STAT6: variants seen among roughly 807,000 people sequenced by gnomAD.
STAT6 encodes signal transducer and activator of transcription 6.
In STAT6, 45 loss-of-function variants were observed where a neutral mutation model predicts 106.3. The observed-to-expected ratio is 0.42, with a 90% CI of 0.33 to 0.54. STAT6 has a LOEUF of 0.54. Among genes scored for constraint, STAT6 ranks in the 20% least tolerant of loss-of-function variants. STAT6 has a pLI of 0.06. For missense variants in STAT6, 797 were observed against 1,062.2 expected, an observed-to-expected ratio of 0.75 and a Z score of 3.47; for synonymous variants, 413 against 413.6, an observed-to-expected ratio of 1.00 and a Z score of 0.02.
rs767593383 is a variant in STAT6 at position 57,106,250 on chromosome 12, C to T, written c.621G>A (p.Gln207=). 4 of 1,614,130 alleles carry T rather than the reference C, an allele frequency of 2.5e-6. No homozygotes were observed. The highest frequency in any genetic ancestry group is 2.5e-6 in the Non-Finnish European group (3 of 1,180,058). The change falls in exon 7 of 22, where the codon CAG becomes CAA. Residue 207 remains glutamine, a synonymous_variant. Coordinates refer to ENST00000300134, the MANE Select transcript of STAT6 (RefSeq NM_003153.5). The part of the protein sequence containing the change: ...VLKRIQIWKR[Q]QQLAGNGAPF... ...GTGCGCCATTCCCTGCCAGCTGCTG[C>T]TGCCGTTTCCAAATCTGGATCCTCT...
In STAT6 at chr12:57,107,474, T is replaced by G; in HGVS notation, c.255+131A>C. ...GCATGCTTTTAAAATCTAATTTGCCTGCTAGCTAGCAGTTAACCACAGGAA... is the reference window on the plus strand; with the variant it reads ...GCATGCTTTTAAAATCTAATTTGCCGGCTAGCTAGCAGTTAACCACAGGAA... On this transcript the variant is annotated intron_variant, in intron 3 of 21. Transcript: ENST00000300134. The G allele has an allele frequency of 2.2e-6, 3 of 1,359,268 alleles. No homozygotes were observed. In the Admixed American group the frequency reaches 6.2e-5, roughly 28 times the overall value. 84.2% of individuals were successfully genotyped at this position (1,359,268 alleles called of 1,614,324 possible).
chr12:57,097,873 G>T (rs778725644), intron 19 of STAT6, among the ~76,000 whole-genome samples: 26 of 151,418 alleles, frequency 1.7e-4, no homozygotes, highest in Middle Eastern at 3.2e-3. Context: ...GCACTCCAGT[G>T]AGTGAGACCC....
chr12:57,099,395 A>C lies in STAT6; in HGVS notation c.1790T>G (p.Leu597Arg), dbSNP rs1365580862. 6.2e-7 allele frequency: 1 copy of C among 1,614,200 alleles called. No homozygotes were observed. The highest frequency in any genetic ancestry group is 8.5e-7 in the Non-Finnish European group (1 of 1,180,034). The change falls in exon 16 of 22, where the codon CTG becomes CGG. Residue 597 changes from leucine to arginine, a missense_variant. Around this residue, in one of 4 missense-constraint regions of STAT6, gnomAD observed 222 missense variants for 354.6 expected, o/e 0.63. Transcript: ENST00000300134. This position sits in a 1 kb window ranked among gnomAD's most constrained non-coding sequence, Gnocchi z 4.7. ...ENIQPFSAKD[L>R]SIRSLGDRIR... ...TCGGTCCCCCAGTGAGCGAATGGACAGGTCTTTGGCAGAGAATGGCTGGAT... is the reference window on the plus strand; with the variant it reads ...TCGGTCCCCCAGTGAGCGAATGGACCGGTCTTTGGCAGAGAATGGCTGGAT...
Position 57,106,100 on chromosome 12 carries a change from C to T in STAT6, c.680+91G>A. On this transcript the variant is annotated intron_variant, in intron 7 of 21. Transcript: ENST00000300134. ...CTTGGTCCACTCCAAGGCCCTCCCG[C>T]CTGGCTTCTTTCTCTCACCTGTAGG... 1.9e-6 allele frequency: 3 copies of T among 1,575,646 alleles called. No homozygotes were observed. The Middle Eastern group carries it at 7.0e-4, about 368-fold the overall frequency.
rs2033418549 is a variant in STAT6 at position 57,096,281 on chromosome 12, G to A, written c.*291C>T. ...CAGAGAGCTCTGTATGTGTGTGTGC[G>A]TGCGTGTGCGCGCTGCAGGTGCAGG... On this transcript the variant is annotated 3_prime_UTR_variant, in exon 22 of 22. Coordinates refer to ENST00000300134, the MANE Select transcript of STAT6 (RefSeq NM_003153.5). 7.5e-6 allele frequency: 3 copies of A among 400,966 alleles called. No homozygotes were observed. Among genetic ancestry groups the A allele is most frequent in the African/African-American group, 2.1e-5 (1 of 48,078 alleles). The allele number at this position is 400,966 out of a possible 1,614,324, so 24.8% of individuals were successfully genotyped here.
chr12:57,101,316 T>C (rs1433836933), intron 13 of STAT6, among the ~76,000 whole-genome samples: 1 of 151,822 alleles, frequency 6.6e-6, no homozygotes, highest in East Asian at 1.9e-4. Flanking sequence ...CTCGATCTCT[T>C]GACCTTGTGA....
intron 4 of STAT6, 122 bp from the exon 5 acceptor site, chr12:57,106,953 C>T (rs2034319800): frequency 1.0e-5 from 15 of 1,474,410 alleles, no homozygotes; most frequent in Non-Finnish European, 1.4e-5. Flanking sequence ...GCAGTTCTTC[C>T]TGACCTTTTG....
At chr12:57,102,705 C>A in intron 12 of STAT6, 124 bp downstream of exon 12, 1 of 943,888 alleles carries the variant, frequency 1.1e-6, no homozygotes, top group East Asian at 2.5e-5. Flanking sequence ...AAAGCAGGCC[C>A]ATGAGAAAGT....
chr12:57,102,987 TTTTTTTTTTTTTTTTTTTTTTTTTTTTA>T (rs2034043693), intron 11 of STAT6, 66 bp from the exon 12 acceptor site: 2 of 138,352 alleles, frequency 1.4e-5, no homozygotes, highest in Admixed American at 2.3e-4. Flanking sequence ...TTTTTTTTTT[TTTTTTTTTTTTTTTTTTTTTTTTTTTTA>T]GATAGTATCT....
chr12:57,101,610 C>T (rs1000560421), intron 13 of STAT6, among the ~76,000 whole-genome samples: 4 of 151,068 alleles, frequency 2.6e-5, no homozygotes, highest in Non-Finnish European at 5.9e-5. Context: ...GTGATCTATC[C>T]GTCTCGGCCT....
chr12:57,107,634 T>C lies in STAT6; in HGVS notation c.226A>G (p.Thr76Ala). ...ASVGEQGEGS[T>A]ILQHISTLES... ...AGGGTGCTGATGTGTTGCAAGATGG[T>C]GCTCCCCTCCCCCTGCTCTCCCACC... The change falls in exon 3 of 22, where the codon ACC becomes GCC. Residue 76 changes from threonine (T) to alanine (A), a missense_variant. Transcript: ENST00000300134. 6.2e-7 allele frequency: 1 copy of C among 1,613,474 alleles called. No homozygotes were observed. Among genetic ancestry groups the C allele is most frequent in the Non-Finnish European group, 8.5e-7 (1 of 1,179,860 alleles).
intron 9 of STAT6, 105 bp downstream of exon 9, chr12:57,105,046 C>A: frequency 7.1e-7 from 1 of 1,400,846 alleles, no homozygotes; most frequent in East Asian, 2.4e-5. Flanking sequence ...CTCCACATCC[C>A]ATGGCCCTCC....
chr12:57,096,748 T>C lies in STAT6; in HGVS notation c.2368A>G (p.Ile790Val). 2 of 1,613,160 alleles carry C rather than the reference T, an allele frequency of 1.2e-6. No individual in the cohort carries two copies. Among genetic ancestry groups the C allele is most frequent in the South Asian group, 2.2e-5 (2 of 91,050 alleles). Residue 790 changes from isoleucine to valine, a missense_variant, in exon 22 of 22, where the codon ATA (isoleucine) becomes GTA (valine). This residue lies in a region of STAT6 where 226 missense variants were observed against 236.7 expected (regional missense o/e 0.95). Coordinates refer to ENST00000300134, the MANE Select transcript of STAT6 (RefSeq NM_003153.5). Reference protein sequence around the residue: ...FPQGTWIGEDIFPPLLPPTEQ... With the variant: ...FPQGTWIGEDVFPPLLPPTEQ... ...GTGGGAGGCAGCAGAGGAGGGAATA[T>C]GTCTTCACCAATCCTGCAAGGAGAT...
intron 1 of STAT6, among the ~76,000 whole-genome samples, chr12:57,109,146 G>A (rs1238425511): frequency 6.6e-6 from 1 of 152,142 alleles, no homozygotes; most frequent in Admixed American, 6.5e-5. Context: ...AGCTTGCAGT[G>A]AGCAGAGATC....
intron 7 of STAT6, chr12:57,105,973 G>A (rs952020868): frequency 1.4e-5 from 10 of 739,784 alleles, no homozygotes; most frequent in Admixed American, 3.0e-5. Flanking sequence ...AGAAGCCTGG[G>A]TTGGATGAGT....
At chr12:57,105,380 C>G (rs1429593792) in intron 8 of STAT6, 41 bp from the exon 9 acceptor site, 2 of 1,609,796 alleles carry the variant, frequency 1.2e-6, no homozygotes, top group Non-Finnish European at 1.7e-6. Flanking sequence ...GGGGCTAGGT[C>G]CCTGCTGGTG....
At chr12:57,100,199 G>A in intron 13 of STAT6, 109 bp from the exon 14 acceptor site, 1 of 909,530 alleles carries the variant, frequency 1.1e-6, no homozygotes, top group Admixed American at 2.0e-5. Flanking sequence ...CAGGGCTGAG[G>A]ATCAGACCGA....
chr12:57,107,005 T>TC (rs560132022), intron 4 of STAT6, among the ~76,000 whole-genome samples, 174 bp from the exon 5 acceptor site: 163 of 152,326 alleles, frequency 1.1e-3, no homozygotes, highest in African/African-American at 3.6e-3. Flanking sequence ...CAGAATCAGC[T>TC]CCTTATCCCT....
rs1056796023 is a variant in STAT6, at chr12:57,098,428, C to T, written c.2159+77G>A. 12 of 1,399,146 alleles carry T rather than the reference C, an allele frequency of 8.6e-6. No individual in the cohort carries two copies. In the Admixed American group the frequency reaches 1.0e-4, roughly 12 times the overall value. 86.7% of individuals were successfully genotyped at this position (1,399,146 alleles called of 1,614,324 possible). On this transcript the variant is annotated intron_variant, in intron 19 of 21. Transcript: ENST00000300134. ...GTTAGCATTTGCTGCTCCTTTCTCACAGAAGAGCCTCTTCTAACAATTCAA... is the reference window on the plus strand; with the variant it reads ...GTTAGCATTTGCTGCTCCTTTCTCATAGAAGAGCCTCTTCTAACAATTCAA...
Sources: allele counts gnomAD v4.1 joint callset (sites outside exome capture counted in the v4.1 genomes callset), GRCh38; gene constraint gnomAD v4.1.1; regional missense constraint gnomAD v4.1.1; non-coding constraint Gnocchi (gnomAD v3.1); transcripts MANE v1.5; gene names NCBI Gene and HGNC (gene_info 2026-07-23, HGNC 2026-07-21).